Variants in RYR3 observed in about 807,000 individuals in gnomAD.
RYR3 encodes ryanodine receptor 3.
Under a neutral mutation model 584.3 loss-of-function variants are expected in RYR3, and 207 were observed. The observed-to-expected ratio is 0.35, with a 90% confidence interval of 0.32 to 0.40. The LOEUF (loss-of-function observed/expected upper bound fraction) is 0.40. Among genes scored for constraint, RYR3 ranks in the 10% least tolerant of loss-of-function variants. The probability of loss-of-function intolerance (pLI) is 1.00; values close to 1 mark genes in which losing one functional copy is unlikely to be tolerated. For missense variants in RYR3, 5,616 were observed against 6,089.2 expected, an observed-to-expected ratio of 0.92 and a Z score of 2.59; for synonymous variants, 2,416 against 2,248.5, an observed-to-expected ratio of 1.07 and a Z score of -2.11.
intron 10 of RYR3, 34 bp downstream of exon 10, chr15:33,550,350 C>G (rs1465500597): frequency 2.5e-6 from 4 of 1,581,882 alleles, no homozygotes; most frequent in Non-Finnish European, 3.4e-6. Flanking sequence ...TGACCCTGTT[C>G]TAAAAGTGAA....
intron 94 of RYR3, chr15:33,851,808 A>G (rs1309654290): frequency 1.3e-5 from 2 of 152,176 alleles, no homozygotes; most frequent in Non-Finnish European, 2.9e-5. Context: ...GCATGGCTTG[A>G]TTTTTATTTG....
At position 33,530,635 on chromosome 15, in the gene RYR3, C is replaced by T; in HGVS notation, c.323C>T (p.Ala108Val). ...GGHRTLLYGH[A>V]VLLRHSFSGM... The stretch of plus-strand genomic sequence containing the variant: ...CACAGGACCCTGTTATACGGCCATG[C>T]AGTTCTCCTGAGGCACTCTTTCAGC... The change falls in exon 4 of 104, where the codon GCA becomes GTA. Residue 108 changes from alanine (A) to valine (V), a missense_variant. Coordinates refer to ENST00000634891, the MANE Select transcript of RYR3 (RefSeq NM_001036.6). The T allele has an allele frequency of 1.2e-6, 2 of 1,613,580 alleles. No individual in the cohort carries two copies. The highest frequency in any genetic ancestry group is 1.7e-6 in the Non-Finnish European group (2 of 1,179,628).
chr15:33,695,545 A>T (rs1031633949), intron 38 of RYR3, among the ~76,000 whole-genome samples: 2 of 152,148 alleles, frequency 1.3e-5, no homozygotes, highest in Non-Finnish European at 1.5e-5. Context: ...CTCTTGCCAA[A>T]GATCCAGTGC....
At chr15:33,568,762 G>A (rs372243576) in intron 12 of RYR3, among the ~76,000 whole-genome samples, 4 of 152,238 alleles carry the variant, frequency 2.6e-5, no homozygotes, top group African/African-American at 7.2e-5. Flanking sequence ...TTTATTTGCA[G>A]AGCCTTACAA....
At chr15:33,319,245 C>A (rs1968617740) in intron 1 of RYR3, among the ~76,000 whole-genome samples, 1 of 152,194 alleles carries the variant, frequency 6.6e-6, no homozygotes, top group African/African-American at 2.4e-5. Context: ...TGCTCTATAC[C>A]ATGGACCAGA....
chr15:33,503,344 T>G (rs1178031519), intron 2 of RYR3, among the ~76,000 whole-genome samples: 2 of 152,076 alleles, frequency 1.3e-5, no homozygotes, highest in Non-Finnish European at 2.9e-5. Context: ...TCCTCTCCCT[T>G]CTTTGGCAAG....
At chr15:33,372,253 A>G (rs912269784) in intron 1 of RYR3, among the ~76,000 whole-genome samples, 1 of 151,594 alleles carries the variant, frequency 6.6e-6, no homozygotes. Context: ...GTGCAATGGC[A>G]TGATCTCGGC....
intron 12 of RYR3, among the ~76,000 whole-genome samples, chr15:33,569,380 GTATT>G (rs986394061): frequency 1.3e-5 from 2 of 152,090 alleles, no homozygotes; most frequent in Non-Finnish European, 1.5e-5. Flanking sequence ...CTGAAACTCT[GTATT>G]TATTAAACAA....
intron 40 of RYR3, among the ~76,000 whole-genome samples, chr15:33,699,343 C>G (rs989398987): frequency 1.7e-4 from 25 of 143,080 alleles, no homozygotes; most frequent in African/African-American, 6.5e-4. Flanking sequence ...TCTCTCCTCT[C>G]TGTCTCTCCT....
chr15:33,693,071 G>A (rs1028134689), intron 38 of RYR3, among the ~76,000 whole-genome samples: 12 of 152,208 alleles, frequency 7.9e-5, no homozygotes, highest in African/African-American at 2.7e-4. Flanking sequence ...TTTGTTAGTC[G>A]TGAGAACTAT....
chr15:33,436,919 T>A (rs2045776037), intron 1 of RYR3, among the ~76,000 whole-genome samples: 1 of 152,208 alleles, frequency 6.6e-6, no homozygotes, highest in Admixed American at 6.5e-5. Context: ...CTTCTAACAT[T>A]TTCAGAGTTT....
intron 99 of RYR3, 21 bp downstream of exon 99, chr15:33,857,935 G>C (rs745910822): frequency 2.9e-6 from 4 of 1,379,638 alleles, no homozygotes; most frequent in Non-Finnish European, 2.9e-6. Context: ...ACCCACTGCG[G>C]GGCCAGCCCA....
intron 12 of RYR3, 64 bp downstream of exon 12, chr15:33,566,863 C>G (rs1018165447): frequency 1.3e-6 from 2 of 1,559,628 alleles, no homozygotes; most frequent in African/African-American, 1.4e-5. Context: ...AACACCACCA[C>G]CCACCTCCTT....
chr15:33,585,529 A>T (rs2152523193), intron 15 of RYR3, among the ~76,000 whole-genome samples: 1 of 152,194 alleles, frequency 6.6e-6, no homozygotes, highest in East Asian at 1.9e-4. Context: ...TAGACCTAAA[A>T]TAAAAATAAT....
At chr15:33,780,412 A>T (rs1263586111) in intron 65 of RYR3, 71 bp downstream of exon 65, 2 of 1,523,560 alleles carry the variant, frequency 1.3e-6, no homozygotes, top group Non-Finnish European at 1.8e-6. Flanking sequence ...ACAGGCAGGG[A>T]GCAGCAGCCC....
chr15:33,446,173 A>G (rs920992087), intron 1 of RYR3, among the ~76,000 whole-genome samples: 25 of 152,192 alleles, frequency 1.6e-4, no homozygotes, highest in Non-Finnish European at 5.9e-5. Context: ...CACTGACCTC[A>G]CTAACTTCTG....
chr15:33,578,345 G>A (rs866614302), intron 12 of RYR3, among the ~76,000 whole-genome samples: 10 of 152,074 alleles, frequency 6.6e-5, no homozygotes, highest in East Asian at 1.9e-4. Context: ...TAGCAAAGAC[G>A]TAGAATCAAC....
intron 98 of RYR3, chr15:33,856,936 C>T (rs1033642899): frequency 3.3e-5 from 5 of 152,222 alleles, no homozygotes; most frequent in South Asian, 2.1e-4. Flanking sequence ...GGATTACAGG[C>T]GTGAGCCACC....
intron 67 of RYR3, among the ~76,000 whole-genome samples, chr15:33,792,246 G>A (rs1420496441): frequency 6.6e-6 from 1 of 152,180 alleles, no homozygotes; most frequent in African/African-American, 2.4e-5. Context: ...ACTTCATGGT[G>A]TGTGTCTCTG....
Sources: allele counts gnomAD v4.1 joint callset (sites outside exome capture counted in the v4.1 genomes callset), GRCh38; gene constraint gnomAD v4.1.1; transcripts MANE v1.5; gene names NCBI Gene and HGNC (gene_info 2026-07-23, HGNC 2026-07-21).